HMCN1: variants seen among roughly 807,000 people sequenced by gnomAD.
The protein encoded by HMCN1 is hemicentin-1.
A neutral mutation model predicts 625.9 loss-of-function variants in HMCN1; 321 were observed. The ratio of observed to expected loss-of-function variants is 0.51; its 90% CI spans 0.47 to 0.56. HMCN1 has a LOEUF of 0.56. HMCN1 is among the 20% of genes least tolerant of loss of function. HMCN1 has a pLI of 0.00. For synonymous variants in HMCN1, 2,425 were observed against 2,417.6 expected (o/e 1.00, Z -0.09); for missense variants, 6,588 against 6,887.3 (o/e 0.96, Z 1.54).
chr1:185,999,993 A>G (rs1653067287), intron 25 of HMCN1, 52 bp from the exon 26 acceptor site: 2 of 1,278,972 alleles, frequency 1.6e-6, no homozygotes. Flanking sequence ...TTGATATTTA[A>G]TAATTTCTGT....
chr1:185,934,367 C>T (rs529868106), intron 11 of HMCN1, among the ~76,000 whole-genome samples: 8 of 152,084 alleles, frequency 5.3e-5, no homozygotes, highest in South Asian at 2.1e-4. Context: ...CACATACACA[C>T]GCGAGTGCCT....
intron 48 of HMCN1, among the ~76,000 whole-genome samples, chr1:186,064,687 GT>G: frequency 6.6e-6 from 1 of 151,686 alleles, no homozygotes; most frequent in East Asian, 2.0e-4. Flanking sequence ...GCAAGCACCT[GT>G]AGTCCCAGCT....
intron 93 of HMCN1, among the ~76,000 whole-genome samples, chr1:186,146,424 G>C (rs1206013970): frequency 6.6e-6 from 1 of 152,138 alleles, no homozygotes; most frequent in African/African-American, 2.4e-5. Flanking sequence ...ATAACTCATG[G>C]GCCTTAGAAT....
chr1:186,068,273 A>C (rs1305837611), intron 50 of HMCN1, among the ~76,000 whole-genome samples: 1 of 152,208 alleles, frequency 6.6e-6, no homozygotes, highest in Non-Finnish European at 1.5e-5. Context: ...CCACAATGTA[A>C]TTAACTGCTA....
chr1:185,769,501 T>C lies in HMCN1; in HGVS notation c.268+34454T>C. ...ATGTTTGGATAAAAAGAAAGCCTAA[T>C]TGATGAGAAATATTTTGCCTATCAT... On this transcript the variant is annotated intron_variant, in intron 1 of 106. Coordinates refer to ENST00000271588, the MANE Select transcript of HMCN1 (RefSeq NM_031935.3). Among the ~76,000 whole-genome samples, 2 of 152,176 alleles carry C rather than the reference T, an allele frequency of 1.3e-5. 1 individual carries two copies. The highest frequency in any genetic ancestry group is 4.1e-4 in the South Asian group (2 of 4,824).
At chr1:186,047,422 G>A (rs1656650357) in intron 41 of HMCN1, among the ~76,000 whole-genome samples, 2 of 152,130 alleles carry the variant, frequency 1.3e-5, no homozygotes, top group African/African-American at 4.8e-5. Flanking sequence ...TCGTCACGTT[G>A]AGGGGTTTAG....
At chr1:185,863,736 G>A (rs1388303448) in intron 2 of HMCN1, among the ~76,000 whole-genome samples, 2 of 152,134 alleles carry the variant, frequency 1.3e-5, no homozygotes, top group African/African-American at 2.4e-5. Context: ...AAAACATATT[G>A]AGCCTATTCA....
At chr1:186,003,060 G>T in intron 28 of HMCN1, among the ~76,000 whole-genome samples, 1 of 151,972 alleles carries the variant, frequency 6.6e-6, no homozygotes, top group East Asian at 1.9e-4. Flanking sequence ...GGAGTGTGTG[G>T]TCTTAAAACA....
At chr1:186,124,032 C>G (rs1661525047) in intron 81 of HMCN1, among the ~76,000 whole-genome samples, 1 of 152,042 alleles carries the variant, frequency 6.6e-6, no homozygotes, top group African/African-American at 2.4e-5. Flanking sequence ...AATAACTCCC[C>G]TGCTTTCAGT....
At chr1:186,143,397 G>A (rs940819917) in intron 89 of HMCN1, among the ~76,000 whole-genome samples, 2 of 152,110 alleles carry the variant, frequency 1.3e-5, no homozygotes, top group East Asian at 1.9e-4. Flanking sequence ...TGGTATTCAC[G>A]TGTATATAAG....
intron 1 of HMCN1, among the ~76,000 whole-genome samples, chr1:185,741,507 A>G (rs556912277): frequency 5.3e-5 from 8 of 152,310 alleles, no homozygotes; most frequent in African/African-American, 1.9e-4. Context: ...GGACAATTAG[A>G]CTAAATGAGA....
chr1:186,054,855 T>G (rs1425823277), intron 44 of HMCN1, among the ~76,000 whole-genome samples: 1 of 151,924 alleles, frequency 6.6e-6, no homozygotes, highest in Non-Finnish European at 1.5e-5. Context: ...TCTTTCCCTT[T>G]TATTAGGAGA....
At chr1:185,764,401 C>T (rs1184216859) in intron 1 of HMCN1, among the ~76,000 whole-genome samples, 1 of 152,142 alleles carries the variant, frequency 6.6e-6, no homozygotes, top group Non-Finnish European at 1.5e-5. Flanking sequence ...GCAACTACTA[C>T]ACTTTATATA....
rs1224033835 is a variant in HMCN1, at chr1:185,932,322, A to G, written c.1553-1227A>G. ...ACACATATATCACTCAGAGATAACC[A>G]CTGTGGTTTTGGTATATTTGTTTCC... is the stretch of plus-strand genomic sequence containing the variant. On this transcript the variant is annotated intron_variant, in intron 10 of 106. Transcript: ENST00000271588. 2.6e-5 allele frequency among the ~76,000 whole-genome samples: 4 copies of G among 152,300 alleles called. No homozygotes were observed. The East Asian group carries it at 7.7e-4, about 29-fold the overall frequency.
At chr1:185,982,521 A>G in intron 18 of HMCN1, 132 bp downstream of exon 18, 1 of 792,732 alleles carries the variant, frequency 1.3e-6, no homozygotes, top group Non-Finnish European at 2.0e-6. Flanking sequence ...GCTCACCGCA[A>G]CCTCTGCCTC....
At chr1:185,896,344 T>A (rs1665489997) in intron 4 of HMCN1, among the ~76,000 whole-genome samples, 1 of 152,220 alleles carries the variant, frequency 6.6e-6, no homozygotes, top group African/African-American at 2.4e-5. Context: ...TTAATAAGTA[T>A]GTATTGAAAT....
At chr1:185,944,770 T>G (rs1668252822) in intron 11 of HMCN1, among the ~76,000 whole-genome samples, 2 of 152,204 alleles carry the variant, frequency 1.3e-5, no homozygotes, top group Non-Finnish European at 2.9e-5. Flanking sequence ...GAGCTAGATT[T>G]TATTCAGTTT....
rs565972844 is a variant in HMCN1 at position 186,034,380 on chromosome 1, T to C, written c.5750-3554T>C. 1.2e-4 allele frequency among the ~76,000 whole-genome samples: 18 copies of C among 152,334 alleles called. 1 individual carries two copies. In the South Asian group the frequency reaches 3.7e-3, roughly 32 times the overall value. ...ATTTAAGCTACCAAGTTTGAGGTAA[T>C]TTGTTTCAGAAGCATAAGGAAACTT... On this transcript the variant is annotated intron_variant, in intron 36 of 106. Coordinates refer to ENST00000271588, the MANE Select transcript of HMCN1 (RefSeq NM_031935.3).
chr1:185,954,825 A>T (rs903529961), intron 11 of HMCN1, among the ~76,000 whole-genome samples: 3 of 152,090 alleles, frequency 2.0e-5, no homozygotes, highest in Non-Finnish European at 4.4e-5. Context: ...TCAATTTTTT[A>T]AAAATGGAAT....
Sources: gnomAD v4.1 joint callset for allele counts (sites outside exome capture counted in the v4.1 genomes callset) on GRCh38, gnomAD v4.1.1 for gene constraint, MANE v1.5 for transcripts, NCBI Gene and HGNC (gene_info 2026-07-23, HGNC 2026-07-21) for gene names.